Variants in GLIS1 observed in about 807,000 individuals in gnomAD.
GLIS1 encodes the protein zinc finger protein GLIS1.
In GLIS1, 24 loss-of-function variants were observed where a neutral mutation model predicts 63.8. That is an observed-to-expected ratio of 0.38 (90% CI 0.27 to 0.53). The LOEUF (loss-of-function observed/expected upper bound fraction) is 0.53, where lower values mean the gene tolerates loss of function less well. GLIS1 is among the 20% of genes least tolerant of loss of function. The probability of loss-of-function intolerance (pLI) is 0.85; values close to 1 mark genes in which losing one functional copy is unlikely to be tolerated. For missense variants in GLIS1, 1,036 were observed against 1,074.1 expected, an observed-to-expected ratio of 0.96 and a Z score of 0.50; for synonymous variants, 450 against 482.5, an observed-to-expected ratio of 0.93 and a Z score of 0.88.
chr1:53,706,390 C>T (rs903654326), intron 2 of GLIS1, among the ~76,000 whole-genome samples: 1 of 152,182 alleles, frequency 6.6e-6, no homozygotes, highest in African/African-American at 2.4e-5. Context: ...CGTTCTTTTC[C>T]CTTCCTTCTT....
intron 2 of GLIS1, among the ~76,000 whole-genome samples, chr1:53,635,064 T>G (rs10888799): frequency 0.48 from 72,939 of 151,360 alleles, 20,651 homozygotes; most frequent in Non-Finnish European, 0.61. Context: ...TGTTGTTGTT[T>G]TTTTTTTAAT....
chr1:53,628,590 G>A (rs1645620576), intron 2 of GLIS1, among the ~76,000 whole-genome samples: 2 of 152,132 alleles, frequency 1.3e-5, no homozygotes, highest in African/African-American at 4.8e-5. Flanking sequence ...TCCCACCTAA[G>A]GGAGAGGAAC....
chr1:53,727,534 TG>T (rs1646817485), intron 2 of GLIS1, among the ~76,000 whole-genome samples: 1 of 152,244 alleles, frequency 6.6e-6, no homozygotes, highest in Non-Finnish European at 1.5e-5. Context: ...TCACAGTACT[TG>T]GGGCTTTGTC....
chr1:53,638,338 G>A (rs918883258), intron 2 of GLIS1, among the ~76,000 whole-genome samples: 8 of 152,164 alleles, frequency 5.3e-5, no homozygotes, highest in Non-Finnish European at 1.2e-4. Flanking sequence ...GCAACCACAC[G>A]GGTGTTGCCT....
chr1:53,516,493 G>C (rs1644354270), intron 7 of GLIS1, among the ~76,000 whole-genome samples: 1 of 151,988 alleles, frequency 6.6e-6, no homozygotes, highest in East Asian at 1.9e-4. Flanking sequence ...CTGTGGCAAA[G>C]GGGAGAGCAC....
At chr1:53,689,159 A>C (rs1451908526) in intron 2 of GLIS1, among the ~76,000 whole-genome samples, 1 of 152,192 alleles carries the variant, frequency 6.6e-6, no homozygotes, top group South Asian at 2.1e-4. Flanking sequence ...TGGTCCATGC[A>C]CCTCAACACT....
chr1:53,674,789 A>G (rs564466426), intron 2 of GLIS1, among the ~76,000 whole-genome samples: 4 of 152,306 alleles, frequency 2.6e-5, no homozygotes, highest in East Asian at 3.9e-4. Flanking sequence ...AAGGGATGCT[A>G]GGCTCACCAC....
intron 2 of GLIS1, among the ~76,000 whole-genome samples, chr1:53,737,069 T>C (rs535295364): frequency 5.3e-5 from 8 of 152,282 alleles, no homozygotes; most frequent in Non-Finnish European, 1.2e-4. Context: ...AACTCATAAA[T>C]AATGACTCAA....
rs1181490717 is a variant in GLIS1 at position 53,524,029 on chromosome 1, C to T, written c.1593+748G>A. Among the ~76,000 whole-genome samples, 3 of 152,266 alleles carry T rather than the reference C, an allele frequency of 2.0e-5. No homozygotes were observed. In the East Asian group the frequency reaches 5.8e-4, roughly 29 times the overall value. Reference sequence around the variant, plus strand: ...AGTCCTTCCTCAAGACCAATGAACACATACACCAATTTCTGTTTTGAACTT... The same window carrying T: ...AGTCCTTCCTCAAGACCAATGAACATATACACCAATTTCTGTTTTGAACTT... On this transcript the variant is annotated intron_variant, in intron 6 of 10. Transcript: ENST00000628545.
At chr1:53,714,777 C>T (rs529314062) in intron 2 of GLIS1, among the ~76,000 whole-genome samples, 4 of 152,348 alleles carry the variant, frequency 2.6e-5, no homozygotes, top group African/African-American at 7.2e-5. Flanking sequence ...GATGGACAGG[C>T]GCAGCAAAGG....
intron 2 of GLIS1, among the ~76,000 whole-genome samples, chr1:53,674,367 A>G (rs549405597): frequency 6.6e-6 from 1 of 152,262 alleles, no homozygotes; most frequent in African/African-American, 2.4e-5. Flanking sequence ...ATCTCTGTGG[A>G]CAGGGCTCAG....
chr1:53,605,182 G>A (rs1230940138), intron 2 of GLIS1, among the ~76,000 whole-genome samples: 1 of 152,058 alleles, frequency 6.6e-6, no homozygotes, highest in East Asian at 1.9e-4. Context: ...AATACTGAAC[G>A]CAGGCCTGGC....
At chr1:53,583,716 C>A (rs932324835) in intron 4 of GLIS1, among the ~76,000 whole-genome samples, 6 of 152,200 alleles carry the variant, frequency 3.9e-5, no homozygotes, top group Non-Finnish European at 7.3e-5. Flanking sequence ...TCATTACCCA[C>A]GTCACAAGAA....
At chr1:53,561,202 A>G (rs370309574) in intron 4 of GLIS1, among the ~76,000 whole-genome samples, 1 of 152,240 alleles carries the variant, frequency 6.6e-6, no homozygotes. Context: ...CCACTTGTGT[A>G]AGGTTACACG....
At chr1:53,592,480 C>A (rs1645201852) in intron 4 of GLIS1, among the ~76,000 whole-genome samples, 1 of 152,174 alleles carries the variant, frequency 6.6e-6, no homozygotes, top group African/African-American at 2.4e-5. Flanking sequence ...AGAACTGTGG[C>A]TCAGCAGCTG....
At chr1:53,629,759 C>T (rs1167892598) in intron 2 of GLIS1, among the ~76,000 whole-genome samples, 1 of 152,190 alleles carries the variant, frequency 6.6e-6, no homozygotes, top group Admixed American at 6.5e-5. Context: ...ACACTGCCTA[C>T]TACATATTAT....
chr1:53,594,735 G>A lies in GLIS1; in HGVS notation c.693C>T (p.His231=), dbSNP rs905895313. The change falls in exon 4 of 11, where the codon CAC becomes CAT. Residue 231 remains histidine (H), a synonymous_variant. Transcript: ENST00000628545. ...SSGLGLQPET[H]LPEGSLKRCC... is the part of the protein sequence containing the mutation. ...ACCGCTTCAGGCTGCCCTCGGGGAG[G>A]TGGGTCTCGGGCTGGAGGCCCAGGC... The A allele has an allele frequency of 6.4e-7, 1 of 1,571,582 alleles. No homozygotes were observed. Among genetic ancestry groups the A allele is most frequent in the Non-Finnish European group, 8.6e-7 (1 of 1,158,336 alleles).
chr1:53,667,494 G>A (rs977277020), intron 2 of GLIS1, among the ~76,000 whole-genome samples: 1 of 152,174 alleles, frequency 6.6e-6, no homozygotes, highest in Non-Finnish European at 1.5e-5. Flanking sequence ...ACTCTAGCCC[G>A]GCCCTTCCTT....
At position 53,550,471 on chromosome 1, in the gene GLIS1, C is replaced by G. The variant is rs1312228848; in HGVS notation, c.1321-20519G>C. ...TCACACTGAGTTAGGTTCAAACTGC[C>G]CTTTGACATCTCCATTCTGGGCTCC... On this transcript the variant is annotated intron_variant, in intron 4 of 10. Coordinates refer to ENST00000628545, the MANE Select transcript of GLIS1 (RefSeq NM_001367484.1). Among the ~76,000 whole-genome samples, 10 of 152,286 alleles carry G rather than the reference C, an allele frequency of 6.6e-5. No homozygotes were observed. The South Asian group carries it at 1.2e-3, about 19-fold the overall frequency.
Sources: gnomAD v4.1 joint callset for allele counts (sites outside exome capture counted in the v4.1 genomes callset) on GRCh38, gnomAD v4.1.1 for gene constraint, MANE v1.5 for transcripts, NCBI Gene and HGNC (gene_info 2026-07-23, HGNC 2026-07-21) for gene names.